The following BORCS5 variants were observed in gnomAD, a reference collection of about 807,000 sequenced individuals.
BORCS5 encodes the protein BLOC-1 related complex subunit 5.
Under a neutral mutation model 22.1 loss-of-function variants are expected in BORCS5, and 17 were observed. The ratio of observed to expected loss-of-function variants is 0.77; its 90% CI spans 0.53 to 1.15. The LOEUF (loss-of-function observed/expected upper bound fraction) is 1.15. Among genes scored for constraint, BORCS5 ranks in the 50% most tolerant of loss-of-function variants. The pLI is 0.00. For missense variants in BORCS5, 247 were observed against 253.2 expected, an observed-to-expected ratio of 0.98 and a Z score of 0.17; for synonymous variants, 117 against 99.8, an observed-to-expected ratio of 1.17 and a Z score of -1.03.
Position 12,465,982 on chromosome 12 carries a change from C to T in BORCS5, c.*206C>T. ...TTTCCCGGTGTGGAAGGAACCTAAC[C>T]AGTTCTCGGTGATAACTGAAGCTGG... On this transcript the variant is annotated 3_prime_UTR_variant, in exon 4 of 4. Transcript: ENST00000314565. 3.6e-6 allele frequency: 2 copies of T among 553,516 alleles called. No individual in the cohort carries two copies. The highest frequency in any genetic ancestry group is 5.0e-5 in the South Asian group (2 of 40,004). 34.3% of individuals were successfully genotyped at this position (553,516 alleles called of 1,614,324 possible).
intron 2 of BORCS5, among the ~76,000 whole-genome samples, chr12:12,369,511 A>AT (rs945163399): frequency 3.3e-5 from 5 of 151,182 alleles, no homozygotes; most frequent in East Asian, 1.9e-4. Context: ...CATTACAAAA[A>AT]TTTTTTTTTA....
Position 12,389,392 on chromosome 12 carries a change from C to T in BORCS5, c.202+28043C>T, listed in dbSNP as rs1863952844. On this transcript the variant is annotated intron_variant, in intron 2 of 3. Transcript: ENST00000314565. ...ACCTTAGGTGATCCACCCGCCTTGG[C>T]CTCCCAAAGTGCTGGGATTACAGGT... 1.3e-5 allele frequency among the ~76,000 whole-genome samples: 2 copies of T among 150,874 alleles called. 1 individual carries two copies. Among genetic ancestry groups the T allele is most frequent in the African/African-American group, 4.9e-5 (2 of 40,938 alleles).
chr12:12,421,727 G>A (rs1339579641), intron 2 of BORCS5, among the ~76,000 whole-genome samples: 1 of 152,172 alleles, frequency 6.6e-6, no homozygotes, highest in African/African-American at 2.4e-5. Flanking sequence ...CTCAATTTCA[G>A]AGCCTATTAT....
rs1555143644 is a variant in BORCS5, at chr12:12,362,662, T to TA, written c.202+1314dup. Among the ~76,000 whole-genome samples the TA allele has an allele frequency of 3.3e-3, 475 of 143,416 alleles. 4 individuals are homozygous for TA. The highest frequency in any genetic ancestry group is 0.012 in the African/African-American group (459 of 38,584). The allele number at this position is 143,416 out of a possible 152,430, so 94.1% of individuals were successfully genotyped here. ...TTTTTTTTTTTTTTTTTTTTTTTTT[T>TA]AGAGTTTTGCTCTGTCACCCAGGCT... On this transcript the variant is annotated intron_variant, in intron 2 of 3. Transcript: ENST00000314565.
Position 12,469,362 on chromosome 12 carries a change from G to GT in BORCS5, c.*3586_*3587insT, listed in dbSNP as rs1341251112. On this transcript the variant is annotated 3_prime_UTR_variant, in exon 4 of 4. Coordinates refer to ENST00000314565, the MANE Select transcript of BORCS5 (RefSeq NM_058169.6). ...CAAGAGTGAAACTCCGTTTAGAAAT[G>GT]AGTTTAGTCTGGGAGAATCTGCTTT... 1 of 152,182 alleles carries GT rather than the reference G, an allele frequency of 6.6e-6. No individual in the cohort carries two copies. The highest frequency in any genetic ancestry group is 1.5e-5 in the Non-Finnish European group (1 of 68,040). 9.4% of individuals were successfully genotyped at this position (152,182 alleles called of 1,614,324 possible). A position where few individuals can be genotyped will look rare whatever the true frequency, so the allele number is the denominator to read the frequency against.
chr12:12,398,979 C>T (rs774522516), intron 2 of BORCS5, among the ~76,000 whole-genome samples: 24 of 152,034 alleles, frequency 1.6e-4, no homozygotes, highest in Admixed American at 1.2e-3. Flanking sequence ...GTGTCACTGC[C>T]GTGTATTGGC....
At chr12:12,394,240 C>T (rs549896549) in intron 2 of BORCS5, among the ~76,000 whole-genome samples, 45 of 152,000 alleles carry the variant, frequency 3.0e-4, no homozygotes, top group Non-Finnish European at 4.9e-4. Flanking sequence ...GCAGGAGAAT[C>T]ACTTGAACCC....
chr12:12,365,233 G>A, intron 2 of BORCS5, among the ~76,000 whole-genome samples: 1 of 152,020 alleles, frequency 6.6e-6, no homozygotes, highest in East Asian at 1.9e-4. Context: ...GTAGAGATGA[G>A]ATCATGGCTC....
chr12:12,422,598 C>A (rs1205518811), intron 2 of BORCS5, among the ~76,000 whole-genome samples: 1 of 151,178 alleles, frequency 6.6e-6, no homozygotes, highest in African/African-American at 2.4e-5. Context: ...GAGTCTTCAT[C>A]TCAAAAGAAA....
chr12:12,377,176 C>CTTT (rs34400274), intron 2 of BORCS5, among the ~76,000 whole-genome samples: 2 of 140,050 alleles, frequency 1.4e-5, no homozygotes, highest in Admixed American at 7.2e-5. Context: ...AGATTTTGTC[C>CTTT]TTTTTTTTTT....
At chr12:12,431,403 C>CTTTT (rs386375632) in intron 2 of BORCS5, among the ~76,000 whole-genome samples, 28,669 of 120,680 alleles carry the variant, frequency 0.24, 4,274 homozygotes, top group Non-Finnish European at 0.32. Flanking sequence ...TTTGCTAATT[C>CTTTT]TTTTTTTTTT....
At chr12:12,360,025 A>T (rs1275476768) in intron 1 of BORCS5, among the ~76,000 whole-genome samples, 1 of 152,170 alleles carries the variant, frequency 6.6e-6, no homozygotes, top group African/African-American at 2.4e-5. Flanking sequence ...TTGTGTGCTG[A>T]AAAAGAAAAT....
At chr12:12,364,368 T>G (rs1863359214) in intron 2 of BORCS5, among the ~76,000 whole-genome samples, 1 of 120,454 alleles carries the variant, frequency 8.3e-6, no homozygotes, top group Admixed American at 9.9e-5. Flanking sequence ...AGAGTGAGAC[T>G]TGGTCTCAAA....
Position 12,425,465 on chromosome 12 carries a change from A to G in BORCS5, c.203-10163A>G, listed in dbSNP as rs188560919. 3.3e-5 allele frequency among the ~76,000 whole-genome samples: 5 copies of G among 152,336 alleles called. No individual in the cohort carries two copies. In the East Asian group the frequency reaches 5.8e-4, roughly 18 times the overall value. ...GCACCATTTTACATTGTCACCAGCA[A>G]TGCACAAGGGTTCCAAGGATATGGA... On this transcript the variant is annotated intron_variant, in intron 2 of 3. Coordinates refer to ENST00000314565, the MANE Select transcript of BORCS5 (RefSeq NM_058169.6).
Position 12,381,011 on chromosome 12 carries a change from A to ATTT in BORCS5, c.202+19678_202+19680dup, listed in dbSNP as rs530930947. 1.1e-3 allele frequency among the ~76,000 whole-genome samples: 131 copies of ATTT among 122,200 alleles called. 2 individuals are homozygous for ATTT. The highest frequency in any genetic ancestry group is 3.5e-3 in the African/African-American group (119 of 33,628). 80.2% of individuals were successfully genotyped at this position (122,200 alleles called of 152,430 possible). ...TGACTTTCTTTTCATTTTTTGGGGG[A>ATTT]TTTTTTTTTTTTTTTTTTGAGACCG... On this transcript the variant is annotated intron_variant, in intron 2 of 3. Coordinates refer to ENST00000314565, the MANE Select transcript of BORCS5 (RefSeq NM_058169.6).
intron 1 of BORCS5, 89 bp downstream of exon 1, chr12:12,357,598 AC>A (rs1863173579): frequency 7.2e-7 from 1 of 1,383,292 alleles, no homozygotes; most frequent in East Asian, 2.5e-5. Context: ...GGGACTGCGG[AC>A]GGGAACGCAC....
chr12:12,357,196 G>A lies in BORCS5; in HGVS notation c.-256G>A. On this transcript the variant is annotated 5_prime_UTR_variant, in exon 1 of 4. Transcript: ENST00000314565. ...ATCTGCCGGTTCTCTTAGGGCTCCC[G>A]GAAAGAAGGAGGGCTAGCCGCGTGC... The A allele has an allele frequency of 6.6e-6, 10 of 1,513,214 alleles. No individual in the cohort carries two copies. Among genetic ancestry groups the A allele is most frequent in the Non-Finnish European group, 8.8e-6 (10 of 1,136,500 alleles). The allele number at this position is 1,513,214 out of a possible 1,614,324, so 93.7% of individuals were successfully genotyped here. A position where few individuals can be genotyped will look rare whatever the true frequency, so the allele number is the denominator to read the frequency against.
chr12:12,451,028 A>G (rs1490087296), intron 3 of BORCS5, among the ~76,000 whole-genome samples: 1 of 152,250 alleles, frequency 6.6e-6, no homozygotes, highest in Non-Finnish European at 1.5e-5. Context: ...TTGATTACCA[A>G]AAGAAATAGT....
At chr12:12,438,377 A>C (rs1270604322) in intron 3 of BORCS5, among the ~76,000 whole-genome samples, 5 of 135,920 alleles carry the variant, frequency 3.7e-5, no homozygotes, top group Admixed American at 3.5e-4. Flanking sequence ...AAAAAAAAAA[A>C]AAACGAAAAA....
Sources: gnomAD v4.1 joint callset for allele counts (sites outside exome capture counted in the v4.1 genomes callset) on GRCh38, gnomAD v4.1.1 for gene constraint, MANE v1.5 for transcripts, NCBI Gene and HGNC (gene_info 2026-07-23, HGNC 2026-07-21) for gene names.